ASAH2: variants seen among roughly 807,000 people sequenced by gnomAD.
The protein encoded by ASAH2 is neutral ceramidase.
A neutral mutation model predicts 82.9 loss-of-function variants in ASAH2; 58 were observed. That is an observed-to-expected ratio of 0.70 (90% CI 0.57 to 0.87). ASAH2 has a LOEUF of 0.87. Among genes scored for constraint, ASAH2 ranks in the 40% least tolerant of loss-of-function variants. The probability of loss-of-function intolerance (pLI) is 0.00; values close to 1 mark genes in which losing one functional copy is unlikely to be tolerated. For synonymous variants in ASAH2, 276 were observed against 289.7 expected (o/e 0.95, Z 0.48); for missense variants, 779 against 834.0 (o/e 0.93, Z 0.81).
intron 4 of ASAH2, among the ~76,000 whole-genome samples, chr10:50,240,068 T>A (rs974088311): frequency 1.3e-5 from 2 of 152,212 alleles, no homozygotes; most frequent in African/African-American, 4.8e-5. Context: ...CCTCAAGTGA[T>A]CCACCTGCCT....
rs1266110122 is a variant in ASAH2, at chr10:50,185,199, A to G, written c.*2116T>C. On this transcript the variant is annotated 3_prime_UTR_variant, in exon 21 of 21. Transcript: ENST00000682911. ...TGAATTGGATCTGTGTTTTTATATCAACAGATAAGTTCAATTACTTCATGA... is the reference window on the plus strand; with the variant it reads ...TGAATTGGATCTGTGTTTTTATATCGACAGATAAGTTCAATTACTTCATGA... The G allele has an allele frequency of 2.0e-5, 3 of 151,058 alleles. No individual in the cohort carries two copies. Among genetic ancestry groups the G allele is most frequent in the Non-Finnish European group, 4.4e-5 (3 of 67,662 alleles). The allele number at this position is 151,058 out of a possible 1,614,324, so 9.4% of individuals were successfully genotyped here. A position where few individuals can be genotyped will look rare whatever the true frequency, so the allele number is the denominator to read the frequency against.
At chr10:50,217,891 G>A (rs1014751618) in intron 8 of ASAH2, among the ~76,000 whole-genome samples, 10 of 152,134 alleles carry the variant, frequency 6.6e-5, no homozygotes, top group Admixed American at 2.0e-4. Flanking sequence ...TTGGGAGGCC[G>A]AGGTGGGCAG....
intron 12 of ASAH2, 83 bp from the exon 13 acceptor site, chr10:50,206,180 A>G (rs1175848465): frequency 3.0e-6 from 3 of 992,560 alleles, no homozygotes; most frequent in Non-Finnish European, 4.9e-6. Context: ...TTGTACAATA[A>G]TCTTTTAAGG....
intron 7 of ASAH2, among the ~76,000 whole-genome samples, chr10:50,228,817 G>A (rs945391177): frequency 3.9e-5 from 6 of 152,052 alleles, no homozygotes; most frequent in Admixed American, 3.3e-4. Flanking sequence ...GAGCAAGGAG[G>A]AGGAAGAAGA....
At chr10:50,248,850 T>C (rs1193519466) in intron 1 of ASAH2, among the ~76,000 whole-genome samples, 1 of 152,238 alleles carries the variant, frequency 6.6e-6, no homozygotes, top group Admixed American at 6.5e-5. Context: ...GGTTTCCAAA[T>C]CTTTCTCAAC....
intron 9 of ASAH2, among the ~76,000 whole-genome samples, chr10:50,214,030 G>A (rs1845532124): frequency 6.6e-6 from 1 of 152,110 alleles, no homozygotes; most frequent in Non-Finnish European, 1.5e-5. Flanking sequence ...ATAAATGATG[G>A]TATAGCCTAA....
At chr10:50,231,043 GA>G (rs1367246294) in intron 7 of ASAH2, among the ~76,000 whole-genome samples, 1,044 of 96,192 alleles carry the variant, frequency 0.011, 3 homozygotes, top group African/African-American at 0.017. Context: ...CTTGTCTCAG[GA>G]AAAAAAAAAA....
At chr10:50,241,547 T>C (rs1233502621) in intron 4 of ASAH2, among the ~76,000 whole-genome samples, 1 of 152,174 alleles carries the variant, frequency 6.6e-6, no homozygotes. Context: ...TATAGAATAA[T>C]GTCACTTTTA....
chr10:50,200,762 T>A (rs1220362919), intron 16 of ASAH2, among the ~76,000 whole-genome samples: 1 of 152,138 alleles, frequency 6.6e-6, no homozygotes, highest in Non-Finnish European at 1.5e-5. Flanking sequence ...GTTGAATGAA[T>A]GAAGTAATTA....
chr10:50,197,585 T>C (rs1845019729), intron 17 of ASAH2, among the ~76,000 whole-genome samples: 2 of 152,024 alleles, frequency 1.3e-5, no homozygotes, highest in South Asian at 4.1e-4. Context: ...CCTCACATTA[T>C]AGATTTAATC....
intron 12 of ASAH2, among the ~76,000 whole-genome samples, chr10:50,206,862 C>T (rs1441033816): frequency 6.6e-6 from 1 of 151,854 alleles, no homozygotes; most frequent in East Asian, 1.9e-4. Flanking sequence ...GAATACTCCA[C>T]CCAACAATAA....
chr10:50,206,827 C>T (rs1410526477), intron 12 of ASAH2, among the ~76,000 whole-genome samples: 3 of 151,822 alleles, frequency 2.0e-5, no homozygotes, highest in Admixed American at 1.3e-4. Flanking sequence ...CAACAGAAAA[C>T]TTGAACTAGA....
At position 50,233,184 on chromosome 10, in the gene ASAH2, C is replaced by T; in HGVS notation, c.893G>A (p.Ser298Asn). Reference protein sequence around the residue: ...DLNGDDLGLISWFAIHPVSMN... With the variant: ...DLNGDDLGLINWFAIHPVSMN... ...TATTTTTAAAAAGGAAATACAGTACCTGATAAGGCCCAAGTCATCTCCATT... is the reference window on the plus strand; with the variant it reads ...TATTTTTAAAAAGGAAATACAGTACTTGATAAGGCCCAAGTCATCTCCATT... The change falls in exon 7 of 21, where the codon AGC becomes AAC. Residue 298 changes from serine to asparagine, a missense_variant and splice_region_variant. Around this residue, in one of 3 missense-constraint regions of ASAH2, gnomAD observed 759 missense variants for 755.2 expected, o/e 1.00. Coordinates refer to ENST00000682911, the MANE Select transcript of ASAH2 (RefSeq NM_019893.4). The T allele has an allele frequency of 1.2e-6, 2 of 1,605,074 alleles. No individual in the cohort carries two copies. Among genetic ancestry groups the T allele is most frequent in the Admixed American group, 1.7e-5 (1 of 59,880 alleles).
chr10:50,248,258 A>G (rs1049402592), intron 2 of ASAH2, among the ~76,000 whole-genome samples: 8 of 152,252 alleles, frequency 5.3e-5, no homozygotes, highest in African/African-American at 7.2e-5. Context: ...GCAAACAAGT[A>G]CATGTCAGAA....
At position 50,213,045 on chromosome 10, in the gene ASAH2, A is replaced by G; in HGVS notation, c.1154T>C (p.Ile385Thr). ...TCPIGGPSMC[I>T]AKGPGQDMFD... ...CATATCCTGTCCAGGTCCCTTAGCA[A>G]TGCACATGCTAGGCTGGAACAAAAT... Residue 385 changes from isoleucine to threonine, a missense_variant, in exon 10 of 21, where the codon ATT (isoleucine) becomes ACT (threonine). Around this residue, in one of 3 missense-constraint regions of ASAH2, gnomAD observed 759 missense variants for 755.2 expected, o/e 1.00. Coordinates refer to ENST00000682911, the MANE Select transcript of ASAH2 (RefSeq NM_019893.4). 3.7e-6 allele frequency: 6 copies of G among 1,613,238 alleles called. No homozygotes were observed. The highest frequency in any genetic ancestry group is 5.1e-6 in the Non-Finnish European group (6 of 1,179,218).
In ASAH2 at chr10:50,242,298, A is replaced by G. The variant is rs1293607146; in HGVS notation, c.510+904T>C. Among the ~76,000 whole-genome samples, 2 of 152,176 alleles carry G rather than the reference A, an allele frequency of 1.3e-5. 1 individual carries two copies. The highest frequency in any genetic ancestry group is 4.8e-5 in the African/African-American group (2 of 41,452). The stretch of plus-strand genomic sequence containing the variant: ...AGGGAGGCTTCCGCTCTCCTCCCCA[A>G]GAGGGAGCAATGTTAAAGTGATGCT... On this transcript the variant is annotated intron_variant, in intron 4 of 20. Coordinates refer to ENST00000682911, the MANE Select transcript of ASAH2 (RefSeq NM_019893.4).
Position 50,237,347 on chromosome 10 carries a change from C to A in ASAH2, c.511-1283G>T, listed in dbSNP as rs1846187697. Among the ~76,000 whole-genome samples, 8 of 152,168 alleles carry A rather than the reference C, an allele frequency of 5.3e-5. No individual in the cohort carries two copies. In the South Asian group the frequency reaches 1.7e-3, roughly 31 times the overall value. On this transcript the variant is annotated intron_variant, in intron 4 of 20. Coordinates refer to ENST00000682911, the MANE Select transcript of ASAH2 (RefSeq NM_019893.4). ...CTAACTTGCTAGCCATCTGAGTGAG[C>A]AACCTTAGAAGTAATTTCTTCCACC...
In ASAH2 at chr10:50,211,135, C is replaced by G. The variant is rs527279808; in HGVS notation, c.1228-1G>C. On this transcript the variant is annotated splice_acceptor_variant, in intron 10 of 20. Transcript: ENST00000682911. LOFTEE classifies it high-confidence loss of function. ...CCTGGGAGGCAGAGGCATAGAGTTCCTAGAAAACACACAGGCTTATTATTC... is the reference window on the plus strand; with the variant it reads ...CCTGGGAGGCAGAGGCATAGAGTTCGTAGAAAACACACAGGCTTATTATTC... 1 of 1,606,488 alleles carries G rather than the reference C, an allele frequency of 6.2e-7. No individual in the cohort carries two copies. Among genetic ancestry groups the G allele is most frequent in the Non-Finnish European group, 8.5e-7 (1 of 1,173,304 alleles).
intron 7 of ASAH2, among the ~76,000 whole-genome samples, chr10:50,219,917 G>T (rs1399987142): frequency 1.3e-5 from 2 of 152,186 alleles, no homozygotes; most frequent in African/African-American, 4.8e-5. Flanking sequence ...GTTGCCTTAT[G>T]GGAGTATAAA....
Sources: gnomAD v4.1 joint callset for allele counts (sites outside exome capture counted in the v4.1 genomes callset) on GRCh38, gnomAD v4.1.1 for gene constraint, gnomAD v4.1.1 regional missense constraint, MANE v1.5 for transcripts, NCBI Gene and HGNC (gene_info 2026-07-23, HGNC 2026-07-21) for gene names.